Variants in ATP10B observed in about 807,000 individuals in gnomAD.
ATP10B encodes the protein ATPase phospholipid transporting 10B (putative), also known as phospholipid-transporting ATPase VB.
Under a neutral mutation model 141.2 loss-of-function variants are expected in ATP10B, and 122 were observed. The ratio of observed to expected loss-of-function variants is 0.86; its 90% CI spans 0.75 to 1.00. The LOEUF is 1.00. Ranked by LOEUF, ATP10B falls within the 50% of genes least tolerant of loss-of-function variation. The pLI is 0.00. For missense variants in ATP10B, 1,876 were observed against 1,825.3 expected, an observed-to-expected ratio of 1.03 and a Z score of -0.51; for synonymous variants, 685 against 692.0, an observed-to-expected ratio of 0.99 and a Z score of 0.16.
chr5:160,566,956 G>C (rs1307119989), intron 25 of ATP10B, among the ~76,000 whole-genome samples: 1 of 152,140 alleles, frequency 6.6e-6, no homozygotes, highest in Non-Finnish European at 1.5e-5. Flanking sequence ...GCCAACCCCT[G>C]CCAGTGGGCA....
Position 160,785,646 on chromosome 5 carries a change from T to C in ATP10B, c.-418A>G. The C allele has an allele frequency of 2.3e-6, 3 of 1,280,152 alleles. No homozygotes were observed. Among genetic ancestry groups the C allele is most frequent in the Middle Eastern group, 2.1e-4 (1 of 4,670 alleles). The allele number at this position is 1,280,152 out of a possible 1,614,324, so 79.3% of individuals were successfully genotyped here. On this transcript the variant is annotated 5_prime_UTR_variant, in exon 2 of 26. An upstream start codon of the reference 5' UTR is lost. Coordinates refer to ENST00000327245, the MANE Select transcript of ATP10B (RefSeq NM_025153.3). Reference sequence around the variant, plus strand: ...TTTATTGTTCTCATCTTTGTGTCCATGTGTAAGAAATGGTAGTTTCTCATC... The same window carrying C: ...TTTATTGTTCTCATCTTTGTGTCCACGTGTAAGAAATGGTAGTTTCTCATC...
At position 160,785,619 on chromosome 5, in the gene ATP10B, T is replaced by G. The variant is rs563913378; in HGVS notation, c.-391A>C. 2.5e-6 allele frequency: 3 copies of G among 1,179,150 alleles called. No individual in the cohort carries two copies. The highest frequency in any genetic ancestry group is 5.7e-5 in the East Asian group (1 of 17,528). 73.0% of individuals were successfully genotyped at this position (1,179,150 alleles called of 1,614,324 possible). ...CCTTCCCTCCTTTTTGAAGTCTCAG[T>G]GTTTATTGTTCTCATCTTTGTGTCC... On this transcript the variant is annotated 5_prime_UTR_variant, in exon 2 of 26. Coordinates refer to ENST00000327245, the MANE Select transcript of ATP10B (RefSeq NM_025153.3).
chr5:160,813,814 T>G (rs1773357057), intron 1 of ATP10B, among the ~76,000 whole-genome samples: 1 of 152,164 alleles, frequency 6.6e-6, no homozygotes, highest in South Asian at 2.1e-4. Flanking sequence ...GAAGCAACAT[T>G]TGCTGTTCAC....
intron 2 of ATP10B, among the ~76,000 whole-genome samples, chr5:160,772,736 C>T (rs1769996723): frequency 6.6e-6 from 1 of 152,158 alleles, no homozygotes; most frequent in South Asian, 2.1e-4. Flanking sequence ...CTATGCTGCC[C>T]ATTTCCTACT....
At chr5:160,817,592 T>C (rs535469281) in intron 1 of ATP10B, among the ~76,000 whole-genome samples, 25 of 152,208 alleles carry the variant, frequency 1.6e-4, no homozygotes, top group Admixed American at 1.2e-3. Flanking sequence ...TTTAAAGATT[T>C]TATGCCATCC....
At chr5:160,755,081 G>A (rs557280241) in intron 2 of ATP10B, among the ~76,000 whole-genome samples, 1 of 152,176 alleles carries the variant, frequency 6.6e-6, no homozygotes, top group East Asian at 1.9e-4. Flanking sequence ...AAGCAAAGAG[G>A]TTTAATTGAC....
At chr5:160,871,910 C>T in the ATP10B span, among the ~76,000 whole-genome samples, 1 of 152,032 alleles carries the variant, frequency 6.6e-6, no homozygotes, top group Admixed American at 6.5e-5. Context: ...TGTAGACATC[C>T]AGCAGTGGGA....
At chr5:160,624,863 T>C (rs1758531444) in intron 13 of ATP10B, among the ~76,000 whole-genome samples, 1 of 152,222 alleles carries the variant, frequency 6.6e-6, no homozygotes, top group Non-Finnish European at 1.5e-5. Flanking sequence ...ATTTCTGTGG[T>C]CACAGTATGT....
intron 10 of ATP10B, among the ~76,000 whole-genome samples, 198 bp downstream of exon 10, chr5:160,640,263 A>G (rs562654410): frequency 7.9e-5 from 12 of 152,354 alleles, no homozygotes; most frequent in African/African-American, 2.9e-4. Flanking sequence ...TAAATATCAG[A>G]TGATATTCTG....
chr5:160,793,685 G>A (rs1000350542), intron 1 of ATP10B, among the ~76,000 whole-genome samples: 7 of 152,248 alleles, frequency 4.6e-5, no homozygotes, highest in Admixed American at 1.3e-4. Flanking sequence ...GTCAACAGTA[G>A]TACACAGTAA....
chr5:160,640,430 G>C, intron 10 of ATP10B, 31 bp downstream of exon 10: 1 of 1,604,384 alleles, frequency 6.2e-7, no homozygotes, highest in Non-Finnish European at 8.5e-7. Flanking sequence ...ATCGATTACT[G>C]TGTCCTTGTT....
At chr5:160,758,294 T>C (rs1406006337) in intron 2 of ATP10B, among the ~76,000 whole-genome samples, 1 of 152,074 alleles carries the variant, frequency 6.6e-6, no homozygotes, top group East Asian at 1.9e-4. Context: ...CTTGAGTATA[T>C]AACAATGCCA....
chr5:160,881,995 A>C, the ATP10B span, among the ~76,000 whole-genome samples: 1 of 152,178 alleles, frequency 6.6e-6, no homozygotes, highest in Non-Finnish European at 1.5e-5. Flanking sequence ...CATATTACTA[A>C]GTTAAAGAAG....
chr5:160,878,625 C>T, the ATP10B span, among the ~76,000 whole-genome samples: 1 of 152,082 alleles, frequency 6.6e-6, no homozygotes, highest in African/African-American at 2.4e-5. Flanking sequence ...AAAATTTTCA[C>T]AACCTACTCA....
At position 160,585,545 on chromosome 5, in the gene ATP10B, T is replaced by C. The variant is rs184853880; in HGVS notation, c.3750+4047A>G. ...TTGAACCCAGGAGGCGGAGGTGCAA[T>C]GAGCCAAGATGGCGCCACTGCACTC... On this transcript the variant is annotated intron_variant, in intron 24 of 25. Coordinates refer to ENST00000327245, the MANE Select transcript of ATP10B (RefSeq NM_025153.3). 2.5e-3 allele frequency among the ~76,000 whole-genome samples: 382 copies of C among 152,324 alleles called. 3 individuals are homozygous for C. Among genetic ancestry groups the C allele is most frequent in the Admixed American group, 3.4e-3 (52 of 15,308 alleles).
intron 1 of ATP10B, among the ~76,000 whole-genome samples, chr5:160,828,309 C>T (rs949734763): frequency 2.6e-5 from 4 of 152,158 alleles, no homozygotes; most frequent in African/African-American, 7.2e-5. Context: ...GCAACCTACT[C>T]ATCTGACAAA....
intron 16 of ATP10B, among the ~76,000 whole-genome samples, chr5:160,617,178 C>T (rs1375475981): frequency 6.6e-6 from 1 of 152,150 alleles, no homozygotes; most frequent in Non-Finnish European, 1.5e-5. Flanking sequence ...ATCATAGCAC[C>T]CCATTAGCTT....
intron 6 of ATP10B, among the ~76,000 whole-genome samples, chr5:160,672,549 G>A (rs984830928): frequency 6.6e-6 from 1 of 152,128 alleles, no homozygotes; most frequent in Non-Finnish European, 1.5e-5. Context: ...GAAATGTCCC[G>A]CTTTAAGTGT....
intron 3 of ATP10B, among the ~76,000 whole-genome samples, chr5:160,704,152 G>A (rs1378433866): frequency 1.3e-5 from 2 of 151,940 alleles, no homozygotes; most frequent in African/African-American, 4.8e-5. Flanking sequence ...TAAACTCCTG[G>A]GCGATCCTCT....
Sources: allele counts gnomAD v4.1 joint callset (sites outside exome capture counted in the v4.1 genomes callset), GRCh38; gene constraint gnomAD v4.1.1; transcripts MANE v1.5; gene names NCBI Gene and HGNC (gene_info 2026-07-23, HGNC 2026-07-21).